The following NELL2 variants were observed in gnomAD, a reference collection of about 807,000 sequenced individuals.
The protein encoded by NELL2 is neural EGFL like 2.
In NELL2, 41 loss-of-function variants were observed where a neutral mutation model predicts 109.6. The ratio of observed to expected loss-of-function variants is 0.37; its 90% CI spans 0.29 to 0.49. The LOEUF (loss-of-function observed/expected upper bound fraction) is 0.49, where lower values mean the gene tolerates loss of function less well. NELL2 is among the 20% of genes least tolerant of loss of function. The pLI, the probability that NELL2 is intolerant of heterozygous loss-of-function variation, is 0.98. For synonymous variants in NELL2, 355 were observed against 344.7 expected (o/e 1.03, Z -0.33); for missense variants, 900 against 1,008.3 (o/e 0.89, Z 1.45).
At position 44,816,011 on chromosome 12, in the gene NELL2, G is replaced by T. The variant is rs750407925; in HGVS notation, c.310C>A (p.Leu104Ile). ...CTGTGATCCAAGTGGTGAATTGAGA[G>T]AATAACTCCTGAATTTAAGTGGGTC... is the stretch of plus-strand genomic sequence containing the variant. ...KQTHLNSGVI[L>I]SIHHLDHRYL... Residue 104 changes from leucine (L) to isoleucine (I), a missense_variant, in exon 3 of 20, where the codon CTC (leucine) becomes ATC (isoleucine). This residue lies in a region of NELL2 where 200 missense variants were observed against 191.8 expected (regional missense o/e 1.04). Coordinates refer to ENST00000429094, the MANE Select transcript of NELL2 (RefSeq NM_001145108.2). 1 of 1,612,004 alleles carries T rather than the reference G, an allele frequency of 6.2e-7. No individual in the cohort carries two copies. Among genetic ancestry groups the T allele is most frequent in the Non-Finnish European group, 8.5e-7 (1 of 1,179,542 alleles).
At chr12:44,909,813 G>C (rs1041079062) in intron 1 of NELL2, among the ~76,000 whole-genome samples, 2 of 150,922 alleles carry the variant, frequency 1.3e-5, no homozygotes, top group African/African-American at 4.9e-5. Context: ...GGAGAACCCA[G>C]AGATAAAGCT....
chr12:44,910,192 T>C (rs395819), intron 1 of NELL2, among the ~76,000 whole-genome samples: 6,045 of 151,864 alleles, frequency 0.04, 259 homozygotes, highest in African/African-American at 0.1. Context: ...AAACAACCTA[T>C]AGAACGGGAG....
chr12:44,763,994 A>G (rs911727969), intron 9 of NELL2, among the ~76,000 whole-genome samples: 30 of 152,272 alleles, frequency 2.0e-4, no homozygotes, highest in African/African-American at 6.7e-4. Flanking sequence ...ATAAACTAAA[A>G]CTATTTTATG....
chr12:44,512,532 T>G (rs1258474788), intron 19 of NELL2, among the ~76,000 whole-genome samples: 2 of 152,008 alleles, frequency 1.3e-5, no homozygotes, highest in Non-Finnish European at 2.9e-5. Flanking sequence ...TGAACCCCCA[T>G]GCAGTATTTT....
At chr12:44,587,915 G>A (rs574100595) in intron 15 of NELL2, among the ~76,000 whole-genome samples, 1 of 152,114 alleles carries the variant, frequency 6.6e-6, no homozygotes, top group Non-Finnish European at 1.5e-5. Context: ...ACTTTGGGAG[G>A]CCAAGGCGGG....
chr12:44,685,316 G>T, intron 12 of NELL2, among the ~76,000 whole-genome samples: 1 of 151,962 alleles, frequency 6.6e-6, no homozygotes, highest in African/African-American at 2.4e-5. Flanking sequence ...GTCTCTGCAC[G>T]TGAGATGGGT....
rs1012013499 is a variant in NELL2, at chr12:44,654,726, C to T, written c.1444+10758G>A. On this transcript the variant is annotated intron_variant, in intron 13 of 19. Transcript: ENST00000429094. Reference sequence around the variant, plus strand: ...AGAAACTCTATCTCAGGGCCCAAAACCATGACTTGTCATGAATGTGACACT... The same window carrying T: ...AGAAACTCTATCTCAGGGCCCAAAATCATGACTTGTCATGAATGTGACACT... Among the ~76,000 whole-genome samples the T allele has an allele frequency of 2.6e-5, 4 of 152,112 alleles. No homozygotes were observed. In the East Asian group the frequency reaches 7.7e-4, roughly 29 times the overall value.
In NELL2 at chr12:44,758,979, T is replaced by C. The variant is rs968118227; in HGVS notation, c.994+15768A>G. Among the ~76,000 whole-genome samples the C allele has an allele frequency of 3.7e-4, 57 of 152,210 alleles. 1 individual carries two copies. The highest frequency in any genetic ancestry group is 7.2e-4 in the Admixed American group (11 of 15,278). On this transcript the variant is annotated intron_variant, in intron 9 of 19. Coordinates refer to ENST00000429094, the MANE Select transcript of NELL2 (RefSeq NM_001145108.2). Reference sequence around the variant, plus strand: ...CATAGATGGCCTCAGACATGGTGACTGACCACTGGTTTCACCAAGTTCTTG... The same window carrying C: ...CATAGATGGCCTCAGACATGGTGACCGACCACTGGTTTCACCAAGTTCTTG...
intron 16 of NELL2, among the ~76,000 whole-genome samples, chr12:44,528,021 G>A (rs539996831): frequency 6.0e-5 from 9 of 148,974 alleles, no homozygotes; most frequent in East Asian, 2.0e-4. Context: ...GTGAACCGGG[G>A]AGGTGGAGCT....
At chr12:44,530,105 G>T in intron 16 of NELL2, among the ~76,000 whole-genome samples, 1 of 152,158 alleles carries the variant, frequency 6.6e-6, no homozygotes, top group East Asian at 1.9e-4. Flanking sequence ...TGATGAGTTT[G>T]ATTTTTGATA....
chr12:44,875,656 G>C, intron 1 of NELL2, 159 bp downstream of exon 1: 3 of 1,327,298 alleles, frequency 2.3e-6, no homozygotes, highest in Middle Eastern at 5.2e-4. Flanking sequence ...GGCAAGCACA[G>C]AAAAAAAAAA....
intron 9 of NELL2, among the ~76,000 whole-genome samples, chr12:44,738,775 A>C (rs925702476): frequency 6.6e-6 from 1 of 152,208 alleles, no homozygotes; most frequent in African/African-American, 2.4e-5. Context: ...ATAATAACGT[A>C]TTGTATACTT....
intron 1 of NELL2, among the ~76,000 whole-genome samples, chr12:44,894,656 A>G (rs1421571717): frequency 1.3e-5 from 2 of 152,208 alleles, no homozygotes; most frequent in Admixed American, 1.3e-4. Context: ...CAGATGTGCA[A>G]TGTCAACATC....
intron 8 of NELL2, 122 bp from the exon 9 acceptor site, chr12:44,774,971 T>C: frequency 1.5e-6 from 1 of 672,824 alleles, no homozygotes; most frequent in South Asian, 2.1e-5. Flanking sequence ...GGCCATTCAT[T>C]GCCAGGAGGG....
chr12:44,704,495 A>G (rs1937745649), intron 11 of NELL2, among the ~76,000 whole-genome samples: 1 of 152,222 alleles, frequency 6.6e-6, no homozygotes. Flanking sequence ...AAAATGGAAC[A>G]TTTTATAAAT....
intron 13 of NELL2, among the ~76,000 whole-genome samples, chr12:44,659,772 G>A (rs1947671414): frequency 6.6e-6 from 1 of 152,036 alleles, no homozygotes; most frequent in African/African-American, 2.4e-5. Context: ...CACCAGAGGA[G>A]CCCCTTTTTT....
chr12:44,552,773 T>G (rs1249857201), intron 15 of NELL2, among the ~76,000 whole-genome samples: 1 of 152,092 alleles, frequency 6.6e-6, no homozygotes, highest in African/African-American at 2.4e-5. Flanking sequence ...ACATTAATAA[T>G]AGCACTCTCT....
intron 2 of NELL2, among the ~76,000 whole-genome samples, chr12:44,867,341 A>C (rs1162914709): frequency 6.6e-6 from 1 of 152,214 alleles, no homozygotes; most frequent in Non-Finnish European, 1.5e-5. Context: ...CAAATCTATA[A>C]ATGTGATACA....
chr12:44,796,622 T>C (rs1413500939), intron 3 of NELL2, among the ~76,000 whole-genome samples: 1 of 152,048 alleles, frequency 6.6e-6, no homozygotes, highest in Non-Finnish European at 1.5e-5. Flanking sequence ...TAAGTGAAAA[T>C]TAGGTTTAGC....
Sources: gnomAD v4.1 joint callset for allele counts (sites outside exome capture counted in the v4.1 genomes callset) on GRCh38, gnomAD v4.1.1 for gene constraint, gnomAD v4.1.1 regional missense constraint, MANE v1.5 for transcripts, NCBI Gene and HGNC (gene_info 2026-07-23, HGNC 2026-07-21) for gene names.